ARSL: variants seen among roughly 807,000 people sequenced by gnomAD.
The protein encoded by ARSL is arylsulfatase L, also known as arylsulfatase E (chondrodysplasia punctata 1).
In ARSL, 4 loss-of-function variants were observed where a neutral mutation model predicts 31.1. That is an observed-to-expected ratio of 0.13 (90% CI 0.06 to 0.29). ARSL has a LOEUF of 0.29. Ranked by LOEUF, ARSL falls within the 10% of genes least tolerant of loss-of-function variation. The pLI is 1.00. For missense variants in ARSL, 312 were observed against 497.8 expected (o/e 0.63, Z 3.55); for synonymous variants, 198 against 209.9 (o/e 0.94, Z 0.49).
chrX:2,948,257 G>A (rs1489292042), intron 6 of ARSL, among the ~76,000 whole-genome samples: 1 of 112,358 alleles, frequency 8.9e-6, no homozygotes, highest in African/African-American at 3.2e-5. Flanking sequence ...TAGCTGTGTA[G>A]TACTGAGAAC....
At position 2,934,620 on chromosome X, in the gene ARSL, C is replaced by G. The variant is rs1222271205; in HGVS notation, c.*212G>C. 2.5e-6 allele frequency: 1 copy of G among 399,114 alleles called. No homozygotes were observed. Among genetic ancestry groups the G allele is most frequent in the African/African-American group, 2.5e-5 (1 of 39,319 alleles). The allele number at this position is 399,114 out of a possible 1,213,427, so 32.9% of individuals were successfully genotyped here. On this transcript the variant is annotated 3_prime_UTR_variant, in exon 11 of 11. Transcript: ENST00000381134. The stretch of plus-strand genomic sequence containing the variant: ...CCTCCTGAGAAGCTAGAACTACAGG[C>G]GTGTGCCACCATGCAGGCTAATTTT...
At position 2,960,076 on chromosome X, in the gene ARSL, T is replaced by C. The variant is rs771284030; in HGVS notation, c.23+302A>G. ...CGAGGTCAGGAGATCGAGACCATCC[T>C]GGCTAACACGGTGAAACCCCGTCTC... On this transcript the variant is annotated intron_variant, in intron 2 of 10. Coordinates refer to ENST00000381134, the MANE Select transcript of ARSL (RefSeq NM_000047.3). 1.2e-4 allele frequency among the ~76,000 whole-genome samples: 12 copies of C among 103,082 alleles called. 1 individual carries two copies. The South Asian group carries it at 4.7e-3, about 40-fold the overall frequency. The allele number at this position is 103,082 out of a possible 115,157, so 89.5% of individuals were successfully genotyped here.
chrX:2,943,494 C>A (rs1266867544), intron 7 of ARSL, among the ~76,000 whole-genome samples: 1 of 110,216 alleles, frequency 9.1e-6, no homozygotes, highest in Non-Finnish European at 1.9e-5. Context: ...GTAATCCCAG[C>A]ACTTTAGGAG....
At chrX:2,965,565 G>A (rs1392478737), upstream of ARSL, among the ~76,000 whole-genome samples, 1 of 107,393 alleles carries the variant, frequency 9.3e-6, no homozygotes, top group African/African-American at 3.4e-5. Context: ...AAAAAAAAAA[G>A]TAAAAAAAGG....
At chrX:2,938,381 T>TCC in intron 8 of ARSL, 124 bp from the exon 9 acceptor site, 4 of 496,709 alleles carry the variant, frequency 8.1e-6, no homozygotes, top group Non-Finnish European at 1.1e-5. Context: ...TCTCTCAATT[T>TCC]CTCTCTCTCT....
At chrX:2,960,942 C>T (rs1237488071) in intron 1 of ARSL, among the ~76,000 whole-genome samples, 2 of 110,779 alleles carry the variant, frequency 1.8e-5, no homozygotes, top group Non-Finnish European at 3.8e-5. Context: ...TGAGAGGCTG[C>T]GCGTGGTGGC....
rs2089432756 is a variant in ARSL at position 2,949,488 on chromosome X, A to C, written c.670T>G (p.Trp224Gly). 8.3e-7 allele frequency: 1 copy of C among 1,209,161 alleles called. No individual in the cohort carries two copies. The highest frequency in any genetic ancestry group is 2.2e-5 in the Admixed American group (1 of 45,539). Residue 224 changes from tryptophan to glycine, a missense_variant, in exon 6 of 11, where the codon TGG becomes GGG. Physicochemically the swap from Trp to Gly is radical, Grantham distance 184 (BLOSUM62 -2). Transcript: ENST00000381134. ...GKLTHLIPVS[W>G]MPVIWSALSA... is the part of the protein sequence containing the mutation. ...AGGGCTGACCAGATGACCGGCATCC[A>C]CGAGACGGGTATCAGGTGTGTGAGC...
intron 6 of ARSL, among the ~76,000 whole-genome samples, chrX:2,947,989 G>A (rs1420002966): frequency 2.7e-5 from 3 of 112,328 alleles, no homozygotes; most frequent in African/African-American, 9.7e-5. Flanking sequence ...GAGCATGGTG[G>A]TGCATGCCTG....
intron 10 of ARSL, among the ~76,000 whole-genome samples, chrX:2,935,495 A>C: frequency 9.0e-6 from 1 of 111,710 alleles, no homozygotes; most frequent in East Asian, 2.8e-4. Context: ...ACACATAATG[A>C]CAGGAAGTAG....
intron 6 of ARSL, among the ~76,000 whole-genome samples, chrX:2,949,019 T>C (rs1363850576): frequency 9.3e-6 from 1 of 107,742 alleles, no homozygotes; most frequent in Non-Finnish European, 1.9e-5. Flanking sequence ...ACCTCCCAGG[T>C]TCAAGGGATT....
intron 5 of ARSL, 114 bp from the exon 6 acceptor site, chrX:2,949,841 TTG>T: frequency 6.8e-6 from 6 of 882,237 alleles, no homozygotes. Flanking sequence ...GGCCAGGAGA[TTG>T]CAAAGAAGTG....
upstream of ARSL, among the ~76,000 whole-genome samples, chrX:2,966,328 C>T (rs923973455): frequency 1.6e-4 from 18 of 111,535 alleles, no homozygotes; most frequent in African/African-American, 5.9e-4. Flanking sequence ...ATTGCTTTCA[C>T]TTTGTGATTT....
chrX:2,959,774 G>A (rs757075358), intron 2 of ARSL: 5 of 1,078,114 alleles, frequency 4.6e-6, no homozygotes, highest in South Asian at 4.7e-5. Flanking sequence ...ATCCAGAAGC[G>A]GTCAGGCGTG....
chrX:2,947,211 C>A (rs994679023), intron 6 of ARSL, among the ~76,000 whole-genome samples: 16 of 111,013 alleles, frequency 1.4e-4, no homozygotes, highest in Non-Finnish European at 2.1e-4. Context: ...TAAATAAAAA[C>A]CCACACTGAT....
intron 1 of ARSL, among the ~76,000 whole-genome samples, chrX:2,963,978 T>C (rs150406746): frequency 0.016 from 1,778 of 111,679 alleles, 38 homozygotes; most frequent in Admixed American, 0.077. Context: ...AACTGTGACA[T>C]TGAGGTGACC....
intron 5 of ARSL, chrX:2,952,830 A>AT (rs1487278170): frequency 1.8e-5 from 3 of 162,710 alleles, no homozygotes; most frequent in Admixed American, 7.5e-5. Flanking sequence ...ATTTTTATGT[A>AT]TTTTTTTGTA....
chrX:2,938,372 C>T, intron 8 of ARSL, 115 bp from the exon 9 acceptor site: 2 of 935,883 alleles, frequency 2.1e-6, no homozygotes, highest in South Asian at 4.6e-5. Context: ...CTCCCTGAGT[C>T]TCTCAATTTC....
intron 4 of ARSL, 56 bp downstream of exon 4, chrX:2,955,359 GA>G: frequency 2.5e-6 from 3 of 1,201,526 alleles, no homozygotes; most frequent in East Asian, 3.0e-5. Context: ...GTAAGAACTA[GA>G]AACTGTGACG....
rs367891065 is a variant in ARSL, at chrX:2,960,406, C to G, written c.-6G>C. ...GAATGGTGCAGATGTAACATGTTGT[C>G]TCTCTCTCTACTTCCTGTAAGACAT... On this transcript the variant is annotated 5_prime_UTR_variant, in exon 2 of 11. Coordinates refer to ENST00000381134, the MANE Select transcript of ARSL (RefSeq NM_000047.3). 2.3e-5 allele frequency: 27 copies of G among 1,181,020 alleles called. No individual in the cohort carries two copies. Among genetic ancestry groups the G allele is most frequent in the Admixed American group, 8.9e-5 (4 of 44,803 alleles).
Sources: allele counts gnomAD v4.1 joint callset (sites outside exome capture counted in the v4.1 genomes callset), GRCh38; gene constraint gnomAD v4.1.1; transcripts MANE v1.5; gene names NCBI Gene and HGNC (gene_info 2026-07-23, HGNC 2026-07-21).